FXN: variants seen among roughly 807,000 people sequenced by gnomAD.
FXN encodes the protein frataxin.
A neutral mutation model predicts 22.4 loss-of-function variants in FXN; 14 were observed. The observed-to-expected ratio is 0.62, with a 90% CI of 0.41 to 0.98. FXN has a LOEUF of 0.98. Among genes scored for constraint, FXN ranks in the 50% least tolerant of loss-of-function variants. The probability of loss-of-function intolerance (pLI) is 0.00; values close to 1 mark genes in which losing one functional copy is unlikely to be tolerated. For synonymous variants in FXN, 120 were observed against 114.1 expected (o/e 1.05, Z -0.33); for missense variants, 267 against 268.4 (o/e 0.99, Z 0.04).
At chr9:69,058,159 A>C (rs1323092907) in intron 3 of FXN, among the ~76,000 whole-genome samples, 1 of 152,194 alleles carries the variant, frequency 6.6e-6, no homozygotes, top group Non-Finnish European at 1.5e-5. Context: ...TGGGAGACTT[A>C]AGTGGCTTCT....
intron 4 of FXN, among the ~76,000 whole-genome samples, chr9:69,067,382 G>GT (rs1832187543): frequency 6.6e-6 from 1 of 152,270 alleles, no homozygotes; most frequent in Non-Finnish European, 1.5e-5. Flanking sequence ...AGATCCCGCA[G>GT]TTTCGGGCCG....
chr9:69,071,219 C>G, intron 4 of FXN: 1 of 518,960 alleles, frequency 1.9e-6, no homozygotes, highest in African/African-American at 1.9e-5. Context: ...GGTCCTTGGG[C>G]TTGGTGTGGT....
At position 69,074,985 on chromosome 9, in the gene FXN, C is replaced by A; in HGVS notation, c.*2223C>A. ...ACATGATGTACTCCTTTATCTGGGA[C>A]ACAGCACAAAAGAGGTATGCAGTGG... On this transcript the variant is annotated 3_prime_UTR_variant, in exon 5 of 5. Coordinates refer to ENST00000484259, the MANE Select transcript of FXN (RefSeq NM_000144.5). 1 of 985,384 alleles carries A rather than the reference C, an allele frequency of 1.0e-6. No individual in the cohort carries two copies. Among genetic ancestry groups the A allele is most frequent in the South Asian group, 4.7e-5 (1 of 21,286 alleles). The allele number at this position is 985,384 out of a possible 1,614,324, so 61.0% of individuals were successfully genotyped here.
At chr9:69,069,882 G>A (rs1832242540) in intron 4 of FXN, among the ~76,000 whole-genome samples, 1 of 152,146 alleles carries the variant, frequency 6.6e-6, no homozygotes, top group Non-Finnish European at 1.5e-5. Flanking sequence ...CATGAAGATG[G>A]CCCAAAACCT....
intron 3 of FXN, among the ~76,000 whole-genome samples, chr9:69,063,887 T>C (rs942566620): frequency 6.6e-6 from 1 of 152,212 alleles, no homozygotes; most frequent in African/African-American, 2.4e-5. Flanking sequence ...TTTTGCCATA[T>C]TGCCTAGGCC....
chr9:69,037,284 A>AAGAAGAAGAAGAAGAAGAAG (rs71353102), intron 1 of FXN, among the ~76,000 whole-genome samples: 1 of 78,060 alleles, frequency 1.3e-5, no homozygotes, highest in African/African-American at 4.7e-5. Flanking sequence ...AAAAAAAAAA[A>AAGAAGAAGAAGAAGAAGAAG]AAGAAGAAGA....
At chr9:69,058,376 A>C (rs1832002082) in intron 3 of FXN, among the ~76,000 whole-genome samples, 5 of 151,348 alleles carry the variant, frequency 3.3e-5, no homozygotes, top group Admixed American at 3.3e-4. Context: ...CCACTACCTG[A>C]AGTTACCTCC....
chr9:69,075,204 T>A lies in FXN; in HGVS notation c.*2442T>A. ...CTGGCACAGTGGCTCATGCCTGTAA[T>A]CCCAGCACTTTGGGAGGCTGAGGCA... On this transcript the variant is annotated 3_prime_UTR_variant, in exon 5 of 5. Coordinates refer to ENST00000484259, the MANE Select transcript of FXN (RefSeq NM_000144.5). 1.0e-6 allele frequency: 1 copy of A among 974,018 alleles called. No individual in the cohort carries two copies. The highest frequency in any genetic ancestry group is 1.2e-6 in the Non-Finnish European group (1 of 819,656). 60.3% of individuals were successfully genotyped at this position (974,018 alleles called of 1,614,324 possible). A position where few individuals can be genotyped will look rare whatever the true frequency, so the allele number is the denominator to read the frequency against.
At chr9:69,040,856 G>A (rs1446834329) in intron 1 of FXN, among the ~76,000 whole-genome samples, 2 of 152,052 alleles carry the variant, frequency 1.3e-5, no homozygotes, top group East Asian at 3.8e-4. Flanking sequence ...TGGGATTAGT[G>A]CCCTTCTAAA....
At chr9:69,049,469 A>G (rs1831815127) in intron 2 of FXN, among the ~76,000 whole-genome samples, 2 of 152,126 alleles carry the variant, frequency 1.3e-5, no homozygotes, top group African/African-American at 4.8e-5. Flanking sequence ...TCATATGGCA[A>G]ATCTGTATGT....
Position 69,035,782 on chromosome 9 carries a change from C to G in FXN, c.-1C>G, listed in dbSNP as rs1015167303. ...GGAGCGGGCGGCAGACCCGGAGCAG[C>G]ATGTGGACTCTCGGGCGCCGCGCAG... On this transcript the variant is annotated 5_prime_UTR_variant, in exon 1 of 5. Coordinates refer to ENST00000484259, the MANE Select transcript of FXN (RefSeq NM_000144.5). 2.3e-5 allele frequency: 34 copies of G among 1,508,242 alleles called. No individual in the cohort carries two copies. In the African/African-American group the frequency reaches 4.6e-4, roughly 20 times the overall value. 93.4% of individuals were successfully genotyped at this position (1,508,242 alleles called of 1,614,324 possible). A position where few individuals can be genotyped will look rare whatever the true frequency, so the allele number is the denominator to read the frequency against.
chr9:69,048,683 A>C (rs1328832036), intron 2 of FXN, among the ~76,000 whole-genome samples: 1 of 151,968 alleles, frequency 6.6e-6, no homozygotes, highest in Admixed American at 6.6e-5. Context: ...CCAATGCTCC[A>C]TTTCATTCCA....
chr9:69,075,567 A>G lies in FXN; in HGVS notation c.*2805A>G, dbSNP rs1652571645. 2.0e-6 allele frequency: 2 copies of G among 985,262 alleles called. No individual in the cohort carries two copies. The highest frequency in any genetic ancestry group is 6.1e-5 in the Admixed American group (1 of 16,268). The allele number at this position is 985,262 out of a possible 1,614,324, so 61.0% of individuals were successfully genotyped here. ...AAACTGGAAAAGTACCACTGTGTGT[A>G]CCAATAGCCTCCCCACCACAGACCC... On this transcript the variant is annotated 3_prime_UTR_variant, in exon 5 of 5. Transcript: ENST00000484259.
chr9:69,074,993 A>T lies in FXN; in HGVS notation c.*2231A>T, dbSNP rs935849573. 6 of 985,296 alleles carry T rather than the reference A, an allele frequency of 6.1e-6. No individual in the cohort carries two copies. In the Admixed American group the frequency reaches 3.1e-4, roughly 50 times the overall value. The allele number at this position is 985,296 out of a possible 1,614,324, so 61.0% of individuals were successfully genotyped here. ...TACTCCTTTATCTGGGACACAGCAC[A>T]AAAGAGGTATGCAGTGGGGCTGCTC... On this transcript the variant is annotated 3_prime_UTR_variant, in exon 5 of 5. Coordinates refer to ENST00000484259, the MANE Select transcript of FXN (RefSeq NM_000144.5).
Position 69,074,211 on chromosome 9 carries a change from T to A in FXN, c.*1449T>A. The A allele has an allele frequency of 1.1e-6, 1 of 927,150 alleles. No homozygotes were observed. The allele number at this position is 927,150 out of a possible 1,614,324, so 57.4% of individuals were successfully genotyped here. A position where few individuals can be genotyped will look rare whatever the true frequency, so the allele number is the denominator to read the frequency against. On this transcript the variant is annotated 3_prime_UTR_variant, in exon 5 of 5. Transcript: ENST00000484259. ...AATAATAATAACAATATAATAATAA[T>A]AATAGCCATCCTTTATTGTACCCTT... is the stretch of plus-strand genomic sequence containing the variant.
chr9:69,045,674 A>C (rs1286078357), intron 1 of FXN, among the ~76,000 whole-genome samples: 1 of 152,222 alleles, frequency 6.6e-6, no homozygotes, highest in Non-Finnish European at 1.5e-5. Flanking sequence ...CACCGGATGC[A>C]GAGTCCAATT....
intron 3 of FXN, among the ~76,000 whole-genome samples, chr9:69,056,668 T>C (rs1317631709): frequency 2.0e-5 from 3 of 151,968 alleles, no homozygotes; most frequent in African/African-American, 7.3e-5. Flanking sequence ...GGAATGCTAG[T>C]CAGTTGTGCT....
chr9:69,070,395 C>T (rs911055070), intron 4 of FXN, among the ~76,000 whole-genome samples: 1 of 152,216 alleles, frequency 6.6e-6, no homozygotes. Context: ...GCTCCTGGCG[C>T]CCCGCCCACA....
Position 69,046,404 on chromosome 9 carries a change from T to C in FXN, c.185T>C (p.Leu62Pro), listed in dbSNP as rs763682148. The change falls in exon 2 of 5, where the codon CTC becomes CCC. Residue 62 changes from leucine to proline, a missense_variant. Transcript: ENST00000484259. ...TTTCAGAGTTCGAACCAACGTGGCCTCAACCAGATTTGGAATGTCAAAAAG... is the reference window on the plus strand; with the variant it reads ...TTTCAGAGTTCGAACCAACGTGGCCCCAACCAGATTTGGAATGTCAAAAAG... ...PRRASSNQRG[L>P]NQIWNVKKQS... The C allele has an allele frequency of 7.4e-6, 12 of 1,614,148 alleles. No homozygotes were observed. Among genetic ancestry groups the C allele is most frequent in the Non-Finnish European group, 9.3e-6 (11 of 1,179,978 alleles).
Sources: gnomAD v4.1 joint callset for allele counts (sites outside exome capture counted in the v4.1 genomes callset) on GRCh38, gnomAD v4.1.1 for gene constraint, MANE v1.5 for transcripts, NCBI Gene and HGNC (gene_info 2026-07-23, HGNC 2026-07-21) for gene names.